CBR4: variants seen among roughly 807,000 people sequenced by gnomAD.
The protein encoded by CBR4 is 3-oxoacyl-[acyl-carrier-protein] reductase.
In CBR4, 22 loss-of-function variants were observed where a neutral mutation model predicts 21.0. That is an observed-to-expected ratio of 1.05 (90% CI 0.75 to 1.50). CBR4 has a LOEUF of 1.50. Ranked by LOEUF, CBR4 falls within the 40% of genes most tolerant of loss-of-function variation. CBR4 has a pLI of 0.00. For missense variants in CBR4, 302 were observed against 286.3 expected (o/e 1.05, Z -0.40); for synonymous variants, 100 against 104.4 (o/e 0.96, Z 0.26).
At position 168,912,666 on chromosome 4, in the gene CBR4, C is replaced by T. The variant is rs374705624; in HGVS notation, n.170-17901G>A. Among the ~76,000 whole-genome samples the T allele has an allele frequency of 7.9e-5, 12 of 152,206 alleles. No homozygotes were observed. In the South Asian group the frequency reaches 2.1e-3, roughly 26 times the overall value. ...GTGATATTTCAAAGCATGTATACAACGTATAATGTTCAAATCATGGTAATT... is the reference window on the plus strand; with the variant it reads ...GTGATATTTCAAAGCATGTATACAATGTATAATGTTCAAATCATGGTAATT... On this transcript the variant is annotated intron_variant and non_coding_transcript_variant, in intron 2 of 3. Transcript: ENST00000509108.
intron 2 of CBR4, among the ~76,000 whole-genome samples, chr4:168,934,935 A>G (rs1763066981): frequency 6.6e-6 from 1 of 152,242 alleles, no homozygotes; most frequent in South Asian, 2.1e-4. Flanking sequence ...AATCCTCAAT[A>G]TAATATTAGT....
intron 2 of CBR4, among the ~76,000 whole-genome samples, chr4:168,981,960 C>T (rs149230862): frequency 3.7e-4 from 57 of 152,266 alleles, no homozygotes; most frequent in African/African-American, 1.3e-3. Context: ...CACAAAAACA[C>T]ACTCAAGTAC....
intron 2 of CBR4, among the ~76,000 whole-genome samples, chr4:168,904,698 AATG>A (rs1757256390): frequency 6.6e-6 from 1 of 152,212 alleles, no homozygotes; most frequent in South Asian, 2.1e-4. Flanking sequence ...GGCATGGTAA[AATG>A]AGCAGTTTTC....
intron 4 of CBR4, among the ~76,000 whole-genome samples, chr4:168,994,147 ATTCT>A (rs1765063485): frequency 1.3e-5 from 2 of 152,210 alleles, no homozygotes; most frequent in Admixed American, 6.5e-5. Context: ...AGTGATAAGC[ATTCT>A]TTCTATAGAT....
At chr4:168,922,937 A>G (rs1348347201) in intron 2 of CBR4, among the ~76,000 whole-genome samples, 3 of 152,152 alleles carry the variant, frequency 2.0e-5, no homozygotes, top group Non-Finnish European at 4.4e-5. Flanking sequence ...TGTCGATTTT[A>G]CTAGTGTGAC....
intron 2 of CBR4, chr4:168,903,657 T>C: frequency 3.1e-6 from 3 of 966,268 alleles, no homozygotes; most frequent in Middle Eastern, 6.2e-4. Flanking sequence ...ACATGAAAAC[T>C]CAGATCAGCT....
chr4:168,994,770 T>TTTTC, intron 4 of CBR4, among the ~76,000 whole-genome samples: 1 of 143,788 alleles, frequency 7.0e-6, no homozygotes, highest in Non-Finnish European at 1.5e-5. Flanking sequence ...TTTTTTTTTT[T>TTTTC]TGAGACGGAG....
intron 3 of CBR4, 144 bp from the exon 4 acceptor site, chr4:169,002,349 T>C (rs967075676): frequency 2.3e-6 from 2 of 861,162 alleles, no homozygotes; most frequent in Non-Finnish European, 1.6e-6. Flanking sequence ...ATTCTAACCA[T>C]TGTCATCAGT....
At chr4:168,913,877 T>G in intron 2 of CBR4, 1 of 1,185,342 alleles carries the variant, frequency 8.4e-7, no homozygotes, top group Non-Finnish European at 1.3e-6. Flanking sequence ...TAGTGCTTAG[T>G]GGTTAATAGT....
intron 2 of CBR4, chr4:168,926,452 A>T: frequency 8.7e-7 from 1 of 1,155,316 alleles, no homozygotes; most frequent in Non-Finnish European, 1.2e-6. Context: ...TTCCTTTGTC[A>T]CATTATGTAA....
chr4:168,930,386 A>G (rs1043461740), intron 2 of CBR4, among the ~76,000 whole-genome samples: 1 of 152,210 alleles, frequency 6.6e-6, no homozygotes, highest in Non-Finnish European at 1.5e-5. Flanking sequence ...TCATTAGTAG[A>G]AGAAGGAACA....
chr4:169,007,946 GAA>G (rs1371511019), intron 1 of CBR4, among the ~76,000 whole-genome samples, 190 bp from the exon 2 acceptor site: 32 of 152,254 alleles, frequency 2.1e-4, no homozygotes, highest in Non-Finnish European at 8.8e-5. Flanking sequence ...GAACAAAGAG[GAA>G]ATAAAGTACT....
exon 3 of CBR4, chr4:168,894,754 T>A (rs1050917985): frequency 3.2e-6 from 5 of 1,558,876 alleles, no homozygotes; most frequent in Non-Finnish European, 4.3e-6. Flanking sequence ...GATACTGTTC[T>A]TGGGATGAGT....
chr4:168,980,824 T>C (rs911557894), intron 2 of CBR4, among the ~76,000 whole-genome samples: 6 of 152,148 alleles, frequency 3.9e-5, no homozygotes, highest in African/African-American at 1.4e-4. Flanking sequence ...AGTTACACCA[T>C]GATTAAAGGA....
intron 2 of CBR4, among the ~76,000 whole-genome samples, chr4:168,930,457 G>T (rs1486753132): frequency 6.6e-6 from 1 of 152,138 alleles, no homozygotes; most frequent in Non-Finnish European, 1.5e-5. Flanking sequence ...GTAAAGAAAT[G>T]GATTTACTTC....
At chr4:169,001,951 T>A in intron 4 of CBR4, 120 bp downstream of exon 4, 1 of 1,010,352 alleles carries the variant, frequency 9.9e-7, no homozygotes, top group Non-Finnish European at 1.4e-6. Context: ...ATTATTTGAT[T>A]CTTTTCACAA....
rs144119733 is a variant in CBR4, at chr4:169,006,586, G to A, written c.400+169C>T. On this transcript the variant is annotated intron_variant, in intron 3 of 4. Transcript: ENST00000306193. ...ACACCTGCCTGACTCCTATAGGGAT[G>A]TGAATGTGTGATTCTTATTTTACTC... Among the ~76,000 whole-genome samples, 835 of 152,290 alleles carry A rather than the reference G, an allele frequency of 5.5e-3. 3 individuals carry two copies. Among genetic ancestry groups the A allele is most frequent in the Non-Finnish European group, 7.4e-3 (500 of 68,020 alleles).
Position 168,898,562 on chromosome 4 carries a change from G to A in CBR4, n.170-3797C>T. On this transcript the variant is annotated intron_variant and non_coding_transcript_variant, in intron 2 of 3. Transcript: ENST00000509108. ...AGAGTACAGGCTAGAAAGGTCTCCT[G>A]TGGATGAATCAGGTGATGAAGTTCA... 1 of 1,614,000 alleles carries A rather than the reference G, an allele frequency of 6.2e-7. No homozygotes were observed. Among genetic ancestry groups the A allele is most frequent in the Non-Finnish European group, 8.5e-7 (1 of 1,179,830 alleles).
chr4:168,997,742 AT>A (rs1411346808), intron 4 of CBR4, among the ~76,000 whole-genome samples: 4 of 152,208 alleles, frequency 2.6e-5, no homozygotes, highest in Non-Finnish European at 4.4e-5. Context: ...GAGCCTTTAT[AT>A]TTAAAAAGGC....
Sources: gnomAD v4.1 joint callset for allele counts (sites outside exome capture counted in the v4.1 genomes callset) on GRCh38, gnomAD v4.1.1 for gene constraint, MANE v1.5 for transcripts, NCBI Gene and HGNC (gene_info 2026-07-23, HGNC 2026-07-21) for gene names.